Variants in KIAA0513 observed in about 807,000 individuals in gnomAD.
KIAA0513 encodes uncharacterized protein KIAA0513.
KIAA0513 carries 39 observed loss-of-function variants against 56.5 expected under a neutral mutation model. The observed-to-expected ratio is 0.69, with a 90% CI of 0.53 to 0.90. The LOEUF (loss-of-function observed/expected upper bound fraction) is 0.90. KIAA0513 is among the 40% of genes least tolerant of loss of function. KIAA0513 has a pLI of 0.00. For synonymous variants in KIAA0513, 268 were observed against 215.6 expected (o/e 1.24, Z -2.13); for missense variants, 591 against 535.2 (o/e 1.10, Z -1.03).
At chr16:85,061,618 C>G (rs547962661) in intron 1 of KIAA0513, among the ~76,000 whole-genome samples, 4 of 152,294 alleles carry the variant, frequency 2.6e-5, no homozygotes, top group African/African-American at 9.6e-5. Flanking sequence ...ACAGAAAGTT[C>G]CAGATTCTCC....
chr16:85,039,960 G>T (rs975036343), intron 1 of KIAA0513, among the ~76,000 whole-genome samples: 2 of 151,458 alleles, frequency 1.3e-5, no homozygotes, highest in African/African-American at 2.4e-5. Flanking sequence ...TCGGCCTCCT[G>T]AGTAGCTGGG....
At chr16:85,054,660 C>T (rs936024941) in intron 1 of KIAA0513, among the ~76,000 whole-genome samples, 2 of 151,988 alleles carry the variant, frequency 1.3e-5, no homozygotes, top group Admixed American at 1.3e-4. Flanking sequence ...GAACTCTTGA[C>T]CTCAAATGAT....
rs535635926 is a variant in KIAA0513, at chr16:85,076,318, G to A, written c.574+404G>A. ...TTGGAGGGTGGTGGGGAGGAGCAGC[G>A]TAGGATCTGAAGCTGCAGAGAGTTC... On this transcript the variant is annotated intron_variant, in intron 5 of 12. Transcript: ENST00000683363. The surrounding 1 kb of genome is among the most constrained non-coding windows in gnomAD (Gnocchi z 4.7). Among the ~76,000 whole-genome samples the A allele has an allele frequency of 7.9e-5, 12 of 152,200 alleles. No individual in the cohort carries two copies. Among genetic ancestry groups the A allele is most frequent in the South Asian group, 4.1e-4 (2 of 4,834 alleles).
At chr16:85,051,009 A>T (rs995838996) in intron 1 of KIAA0513, among the ~76,000 whole-genome samples, 1 of 152,156 alleles carries the variant, frequency 6.6e-6, no homozygotes, top group African/African-American at 2.4e-5. Context: ...GTGTTAAAAA[A>T]TTAGCCAGGC....
chr16:85,061,562 A>G (rs1430005982), intron 1 of KIAA0513, among the ~76,000 whole-genome samples: 1 of 152,220 alleles, frequency 6.6e-6, no homozygotes, highest in African/African-American at 2.4e-5. Flanking sequence ...TCTTGGGGAC[A>G]CGAAAAGAGA....
Position 85,087,267 on chromosome 16 carries a change from G to A in KIAA0513, c.1186+101G>A, listed in dbSNP as rs149668281. 5,117 of 929,828 alleles carry A rather than the reference G, an allele frequency of 5.5e-3. 172 individuals carry two copies. In the African/African-American group the frequency reaches 0.073, roughly 13 times the overall value. 57.6% of individuals were successfully genotyped at this position (929,828 alleles called of 1,614,324 possible). On this transcript the variant is annotated intron_variant, in intron 12 of 12. Coordinates refer to ENST00000683363, the MANE Select transcript of KIAA0513 (RefSeq NM_001388359.1). ...TCTGCACTGCCAGAAGGCATGTCGT[G>A]TTGCAGTCGGAAACGTGGTGCTGAG...
At chr16:85,066,779 A>T (rs2073488139) in intron 1 of KIAA0513, 121 bp from the exon 2 acceptor site, 1 of 378,080 alleles carries the variant, frequency 2.6e-6, no homozygotes, top group East Asian at 4.4e-5. Flanking sequence ...TAGGAAGATG[A>T]TAGCAAAGAG....
At chr16:85,034,307 G>A (rs186036895) in intron 1 of KIAA0513, among the ~76,000 whole-genome samples, 1 of 152,238 alleles carries the variant, frequency 6.6e-6, no homozygotes, top group South Asian at 2.1e-4. Flanking sequence ...TTGAACCTGG[G>A]GGGTGGAGGC....
At chr16:85,084,601 G>A (rs1348049079) in intron 10 of KIAA0513, among the ~76,000 whole-genome samples, 2 of 152,062 alleles carry the variant, frequency 1.3e-5, no homozygotes, top group African/African-American at 2.4e-5. Flanking sequence ...GGCTCATTTC[G>A]TATTTTTAGT....
At chr16:85,061,392 C>T (rs3829514) in intron 1 of KIAA0513, among the ~76,000 whole-genome samples, 9,230 of 152,150 alleles carry the variant, frequency 0.061, 429 homozygotes, top group East Asian at 0.23. Context: ...GACCTGTGTG[C>T]GGGTTCCTTG....
chr16:85,055,474 G>A (rs1026954255), intron 1 of KIAA0513, among the ~76,000 whole-genome samples: 6 of 152,224 alleles, frequency 3.9e-5, no homozygotes, highest in Non-Finnish European at 8.8e-5. Context: ...AAGTGAAAGT[G>A]AAGTCCCTTG....
chr16:85,053,749 T>A (rs2073287808), intron 1 of KIAA0513, among the ~76,000 whole-genome samples: 1 of 151,894 alleles, frequency 6.6e-6, no homozygotes, highest in African/African-American at 2.4e-5. Context: ...TCCCAGCACT[T>A]TGGGAGGCTG....
In KIAA0513 at chr16:85,066,996, C is replaced by T; in HGVS notation, c.-76C>T. On this transcript the variant is annotated 5_prime_UTR_variant, in exon 2 of 13. Coordinates refer to ENST00000683363, the MANE Select transcript of KIAA0513 (RefSeq NM_001388359.1). ...GCTTGGTGGGCTCCTACTAACGCAC[C>T]TGGGACACCAGGCTGCTGGGCTCCC... is the stretch of plus-strand genomic sequence containing the variant. 7.4e-7 allele frequency: 1 copy of T among 1,360,442 alleles called. No homozygotes were observed. Among genetic ancestry groups the T allele is most frequent in the African/African-American group, 1.5e-5 (1 of 68,814 alleles). The allele number at this position is 1,360,442 out of a possible 1,614,324, so 84.3% of individuals were successfully genotyped here.
At chr16:85,039,803 G>A (rs572894283) in intron 1 of KIAA0513, among the ~76,000 whole-genome samples, 6 of 151,560 alleles carry the variant, frequency 4.0e-5, no homozygotes, top group Admixed American at 1.3e-4. Flanking sequence ...TGGTTTTTCC[G>A]GATGATGCTG....
chr16:85,049,375 G>A (rs938665716), intron 1 of KIAA0513, among the ~76,000 whole-genome samples: 1 of 152,214 alleles, frequency 6.6e-6, no homozygotes, highest in Admixed American at 6.5e-5. Flanking sequence ...GGTGGAGGTT[G>A]GTTCCGTTCC....
intron 1 of KIAA0513, among the ~76,000 whole-genome samples, chr16:85,040,622 C>T (rs1347729646): frequency 1.3e-5 from 2 of 152,188 alleles, no homozygotes; most frequent in African/African-American, 4.8e-5. Flanking sequence ...TTTTTAGTTT[C>T]AGGAAACTTG....
chr16:85,058,617 G>A (rs1303429786), intron 1 of KIAA0513, among the ~76,000 whole-genome samples: 7 of 148,968 alleles, frequency 4.7e-5, no homozygotes, highest in East Asian at 2.0e-4. Flanking sequence ...GCTCCACTGC[G>A]CTCCAGCCTG....
chr16:85,032,975 G>C (rs2072986403), intron 1 of KIAA0513, among the ~76,000 whole-genome samples: 1 of 152,048 alleles, frequency 6.6e-6, no homozygotes, highest in African/African-American at 2.4e-5. Context: ...CCCTGGGTTA[G>C]GACCTCAGCA....
intron 2 of KIAA0513, among the ~76,000 whole-genome samples, chr16:85,071,303 C>A (rs1175633610): frequency 6.6e-6 from 1 of 152,236 alleles, no homozygotes; most frequent in Admixed American, 6.5e-5. Context: ...AGGTGATTTT[C>A]TTCTTGGCCT....
Sources: gnomAD v4.1 joint callset for allele counts (sites outside exome capture counted in the v4.1 genomes callset) on GRCh38, gnomAD v4.1.1 for gene constraint, Gnocchi (gnomAD v3.1) non-coding constraint, MANE v1.5 for transcripts, NCBI Gene and HGNC (gene_info 2026-07-23, HGNC 2026-07-21) for gene names.